Variants in TUT4 observed in about 807,000 individuals in gnomAD.
TUT4 encodes terminal uridylyl transferase 4, also known as terminal uridylyltransferase 4.
TUT4 carries 36 observed loss-of-function variants against 192.2 expected under a neutral mutation model. The ratio of observed to expected loss-of-function variants is 0.19; its 90% confidence interval spans 0.14 to 0.25. The LOEUF (loss-of-function observed/expected upper bound fraction) is 0.25. TUT4 is among the 10% of genes least tolerant of loss of function. The probability of loss-of-function intolerance (pLI) is 1.00; values close to 1 mark genes in which losing one functional copy is unlikely to be tolerated. For synonymous variants in TUT4, 618 were observed against 666.0 expected (o/e 0.93, Z 1.11); for missense variants, 1,493 against 1,957.2 (o/e 0.76, Z 4.47).
chr1:52,518,498 A>T (rs1372058876), intron 2 of TUT4, among the ~76,000 whole-genome samples: 2 of 151,996 alleles, frequency 1.3e-5, no homozygotes, highest in Non-Finnish European at 2.9e-5. Flanking sequence ...CCAGATTAGG[A>T]CCTCACCATT....
At chr1:52,551,450 AT>A (rs1386777039) in intron 1 of TUT4, among the ~76,000 whole-genome samples, 2 of 152,236 alleles carry the variant, frequency 1.3e-5, no homozygotes, top group Admixed American at 1.3e-4. Flanking sequence ...TTTTTAAAGC[AT>A]AAAACGACTT....
chr1:52,441,780 T>G (rs1655669056), intron 24 of TUT4, among the ~76,000 whole-genome samples: 1 of 152,110 alleles, frequency 6.6e-6, no homozygotes, highest in Admixed American at 6.6e-5. Context: ...AGTGTACAGC[T>G]ACCCAAGGAC....
At chr1:52,510,924 A>G (rs984371540) in intron 3 of TUT4, among the ~76,000 whole-genome samples, 1 of 152,196 alleles carries the variant, frequency 6.6e-6, no homozygotes, top group Non-Finnish European at 1.5e-5. Context: ...AACACACAAT[A>G]AATACATGTG....
chr1:52,459,891 T>C (rs1180441541), intron 19 of TUT4, among the ~76,000 whole-genome samples: 5 of 149,120 alleles, frequency 3.4e-5, no homozygotes, highest in African/African-American at 1.2e-4. Context: ...CAAAAAAACA[T>C]GAAATTAAAA....
At chr1:52,498,842 G>A (rs1374352893) in intron 4 of TUT4, among the ~76,000 whole-genome samples, 1 of 133,396 alleles carries the variant, frequency 7.5e-6, no homozygotes, top group East Asian at 2.3e-4. Context: ...AGTCAAGATC[G>A]CACCACTGCA....
At chr1:52,543,646 G>C (rs1052377526) in intron 1 of TUT4, among the ~76,000 whole-genome samples, 1 of 151,740 alleles carries the variant, frequency 6.6e-6, no homozygotes, top group African/African-American at 2.4e-5. Flanking sequence ...ACTGGGCCCA[G>C]GTAATTTTTG....
At position 52,425,518 on chromosome 1, in the gene TUT4, A is replaced by G. The variant is rs771208598; in HGVS notation, c.4712-11T>C. ...CTCGAAAGCCTGGCTCTGCATTTCAACAAGAGGGAAAAAGACATTTAAAAA... is the reference window on the plus strand; with the variant it reads ...CTCGAAAGCCTGGCTCTGCATTTCAGCAAGAGGGAAAAAGACATTTAAAAA... On this transcript the variant is annotated splice_polypyrimidine_tract_variant and intron_variant, in intron 28 of 29. Coordinates refer to ENST00000257177, the MANE Select transcript of TUT4 (RefSeq NM_001009881.3). 6.2e-7 allele frequency: 1 copy of G among 1,602,462 alleles called. No homozygotes were observed. The highest frequency in any genetic ancestry group is 1.1e-5 in the South Asian group (1 of 89,486).
At chr1:52,503,713 C>G (rs1674779048) in intron 4 of TUT4, among the ~76,000 whole-genome samples, 1 of 152,188 alleles carries the variant, frequency 6.6e-6, no homozygotes, top group Non-Finnish European at 1.5e-5. Flanking sequence ...AATCAGACAT[C>G]TTTTAAGCTT....
chr1:52,461,389 C>G (rs1325016943), intron 18 of TUT4, 124 bp downstream of exon 18: 5 of 1,132,376 alleles, frequency 4.4e-6, no homozygotes, highest in Non-Finnish European at 6.2e-6. Context: ...AAGGAACTAT[C>G]AAGATAACTA....
intron 20 of TUT4, among the ~76,000 whole-genome samples, chr1:52,450,612 C>T (rs1659103411): frequency 6.6e-6 from 1 of 152,120 alleles, no homozygotes; most frequent in South Asian, 2.1e-4. Flanking sequence ...TTAGCACCTA[C>T]TACATTCAAA....
Position 52,461,722 on chromosome 1 carries a change from C to G in TUT4, c.3117G>C (p.Lys1039Asn). 6.6e-7 allele frequency: 1 copy of G among 1,507,294 alleles called. No homozygotes were observed. Among genetic ancestry groups the G allele is most frequent in the Non-Finnish European group, 9.0e-7 (1 of 1,107,254 alleles). 93.4% of individuals were successfully genotyped at this position (1,507,294 alleles called of 1,614,324 possible). Residue 1039 changes from lysine to asparagine, a missense_variant, in exon 17 of 30, where the codon AAG (lysine) becomes AAC (asparagine). By Grantham distance (94) the Lys-to-Asn change is moderately conservative. Coordinates refer to ENST00000257177, the MANE Select transcript of TUT4 (RefSeq NM_001009881.3). ...EIIENLAKILKRHPGLRNILP... is the reference protein window; with the variant it reads ...EIIENLAKILNRHPGLRNILP... ...ATTCAAAATTCATACCTGGATGTCT[C>G]TTAAGAATTTTTGCCAAATTTTCAA...
At chr1:52,531,832 A>T (rs1683499456) in intron 1 of TUT4, among the ~76,000 whole-genome samples, 1 of 146,854 alleles carries the variant, frequency 6.8e-6, no homozygotes, top group South Asian at 2.1e-4. Flanking sequence ...TAGCACTTAA[A>T]CCTATTTATG....
intron 14 of TUT4, among the ~76,000 whole-genome samples, chr1:52,470,819 A>C (rs1227950838): frequency 6.6e-6 from 1 of 152,086 alleles, no homozygotes; most frequent in Non-Finnish European, 1.5e-5. Flanking sequence ...TCTTACCTGG[A>C]CACTGGAAGT....
intron 2 of TUT4, among the ~76,000 whole-genome samples, chr1:52,517,054 T>G (rs1678902073): frequency 6.6e-6 from 1 of 152,198 alleles, no homozygotes; most frequent in African/African-American, 2.4e-5. Flanking sequence ...CTCAATATCT[T>G]TACATATGCT....
chr1:52,475,016 G>A lies in TUT4; in HGVS notation c.2543C>T (p.Thr848Ile), dbSNP rs773359947. The change falls in exon 13 of 30, where the codon ACT (threonine) becomes ATT (isoleucine). Residue 848 changes from threonine (T) to isoleucine (I), a missense_variant. By Grantham distance (89) the Thr-to-Ile change is moderately conservative. Transcript: ENST00000257177. Reference protein sequence around the residue: ...LSKSPDPDKSTGTDCRSNLET... With the variant: ...LSKSPDPDKSIGTDCRSNLET... ...TAAATTTGACCTGCAGTCTGTTCCA[G>A]TAGATTTATCTGGGTCAGGCGACTT... 3 of 1,614,062 alleles carry A rather than the reference G, an allele frequency of 1.9e-6. No individual in the cohort carries two copies. The highest frequency in any genetic ancestry group is 2.2e-5 in the South Asian group (2 of 91,082).
Position 52,461,502 on chromosome 1 carries a change from G to A in TUT4, c.3231+11C>T. The stretch of plus-strand genomic sequence containing the variant: ...GAAAAGTATATACATGGCCTATAAA[G>A]ATAAACTTACCAACGTATTATATAA... On this transcript the variant is annotated intron_variant, in intron 18 of 29. Transcript: ENST00000257177. 1 of 1,605,846 alleles carries A rather than the reference G, an allele frequency of 6.2e-7. No individual in the cohort carries two copies. The highest frequency in any genetic ancestry group is 1.7e-4 in the Middle Eastern group (1 of 6,032).
intron 15 of TUT4, 138 bp downstream of exon 15, chr1:52,468,043 C>T (rs1182659434): frequency 5.0e-6 from 3 of 602,276 alleles, no homozygotes; most frequent in Non-Finnish European, 8.3e-6. Context: ...GAGGTTTCAT[C>T]TCTTTTATTA....
At chr1:52,527,583 GT>G (rs1303353563) in intron 1 of TUT4, among the ~76,000 whole-genome samples, 3 of 151,490 alleles carry the variant, frequency 2.0e-5, no homozygotes, top group African/African-American at 7.3e-5. Context: ...GAACTTAAGA[GT>G]TTAAAAAAAA....
At chr1:52,477,609 T>C in intron 12 of TUT4, 99 bp downstream of exon 12, 1 of 1,149,128 alleles carries the variant, frequency 8.7e-7, no homozygotes, top group Non-Finnish European at 1.2e-6. Context: ...GTGACATATA[T>C]ATATAGTGCC....
Sources: allele counts gnomAD v4.1 joint callset (sites outside exome capture counted in the v4.1 genomes callset), GRCh38; gene constraint gnomAD v4.1.1; transcripts MANE v1.5; gene names NCBI Gene and HGNC (gene_info 2026-07-23, HGNC 2026-07-21).